Variants in MYCBPAP observed in about 807,000 individuals in gnomAD.
The protein encoded by MYCBPAP is MYCBP associated protein.
In MYCBPAP, 60 loss-of-function variants were observed where a neutral mutation model predicts 106.1. The observed-to-expected ratio is 0.57, with a 90% confidence interval of 0.46 to 0.70. MYCBPAP has a LOEUF of 0.70. MYCBPAP is among the 30% of genes least tolerant of loss of function. The pLI is 0.00. For synonymous variants in MYCBPAP, 407 were observed against 440.6 expected, an observed-to-expected ratio of 0.92 and a Z score of 0.95; for missense variants, 1,064 against 1,169.3, an observed-to-expected ratio of 0.91 and a Z score of 1.31.
chr17:50,508,300 A>C, upstream of MYCBPAP: 1 of 427,678 alleles, frequency 2.3e-6, no homozygotes. Context: ...ATGCACCCCT[A>C]CCAGCCAGCC....
chr17:50,523,024 G>A lies in MYCBPAP; in HGVS notation c.1343G>A (p.Gly448Asp). The A allele has an allele frequency of 1.9e-6, 3 of 1,614,018 alleles. No homozygotes were observed. Among genetic ancestry groups the A allele is most frequent in the Non-Finnish European group, 2.5e-6 (3 of 1,180,014 alleles). The change falls in exon 11 of 19, where the codon GGC becomes GAC. Residue 448 changes from glycine (G) to aspartate (D), a missense_variant. By Grantham distance (94) the Gly-to-Asp change is moderately conservative. Coordinates refer to ENST00000323776, the MANE Select transcript of MYCBPAP (RefSeq NM_032133.6). Reference sequence around the variant, plus strand: ...TCAGAACTGACTGTGGTCAATAATGGCACCGTGGCCATTTGGTATGACTGG... The same window carrying A: ...TCAGAACTGACTGTGGTCAATAATGACACCGTGGCCATTTGGTATGACTGG... The part of the protein sequence containing the change: ...TSSELTVVNN[G>D]TVAIWYDWRR...
upstream of MYCBPAP, chr17:50,508,357 C>T: frequency 3.9e-6 from 2 of 508,952 alleles, no homozygotes; most frequent in Non-Finnish European, 6.7e-6. Context: ...GGTCCTCGCC[C>T]GGGTCCCCCG....
At chr17:50,527,812 A>G (rs2034510163) in intron 15 of MYCBPAP, among the ~76,000 whole-genome samples, 1 of 152,112 alleles carries the variant, frequency 6.6e-6, no homozygotes, top group African/African-American at 2.4e-5. Context: ...GACAAGCCCC[A>G]GGAGCCTTAT....
chr17:50,516,549 T>C, intron 1 of MYCBPAP, 21 bp from the exon 2 acceptor site: 1 of 1,611,666 alleles, frequency 6.2e-7, no homozygotes, highest in Non-Finnish European at 8.5e-7. Flanking sequence ...AAGGACTTAA[T>C]AACTTTCTGC....
At chr17:50,518,044 T>C (rs1379245672) in intron 4 of MYCBPAP, among the ~76,000 whole-genome samples, 1 of 152,262 alleles carries the variant, frequency 6.6e-6, no homozygotes, top group Non-Finnish European at 1.5e-5. Flanking sequence ...TTCCCTTCTC[T>C]GGAGACTGGC....
At chr17:50,521,271 G>A in intron 8 of MYCBPAP, 45 bp from the exon 9 acceptor site, 1 of 1,595,006 alleles carries the variant, frequency 6.3e-7, no homozygotes, top group Non-Finnish European at 8.5e-7. Flanking sequence ...TTGGGGCGAT[G>A]CCTGTCTTCA....
Position 50,516,717 on chromosome 17 carries a change from T to A in MYCBPAP, c.204+20T>A, listed in dbSNP as rs774598572. On this transcript the variant is annotated intron_variant, in intron 2 of 18. Coordinates refer to ENST00000323776, the MANE Select transcript of MYCBPAP (RefSeq NM_032133.6). ...AAGGAGGTGAGGATGAAGCCCAAGC[T>A]TCCCTTACCATAGAAACGTTTCCCT... 1.4e-5 allele frequency: 22 copies of A among 1,613,012 alleles called. No individual in the cohort carries two copies. Among genetic ancestry groups the A allele is most frequent in the Non-Finnish European group, 1.9e-5 (22 of 1,179,578 alleles).
chr17:50,513,462 G>A (rs1209552040), intron 1 of MYCBPAP, among the ~76,000 whole-genome samples: 1 of 152,152 alleles, frequency 6.6e-6, no homozygotes, highest in East Asian at 1.9e-4. Context: ...CTGACTGTAT[G>A]CAGTAACAGA....
At position 50,523,025 on chromosome 17, in the gene MYCBPAP, C is replaced by A; in HGVS notation, c.1344C>A (p.Gly448=). ...CAGAACTGACTGTGGTCAATAATGG[C>A]ACCGTGGCCATTTGGTATGACTGGC... ...TSSELTVVNN[G]TVAIWYDWRR... is the part of the protein sequence containing the mutation. The change falls in exon 11 of 19, where the codon GGC becomes GGA. Residue 448 remains glycine (G), a synonymous_variant. Coordinates refer to ENST00000323776, the MANE Select transcript of MYCBPAP (RefSeq NM_032133.6). 3 of 1,614,106 alleles carry A rather than the reference C, an allele frequency of 1.9e-6. No individual in the cohort carries two copies. Among genetic ancestry groups the A allele is most frequent in the Non-Finnish European group, 2.5e-6 (3 of 1,180,020 alleles).
At chr17:50,527,495 G>A in intron 15 of MYCBPAP, 87 bp downstream of exon 15, 1 of 1,543,102 alleles carries the variant, frequency 6.5e-7, no homozygotes, top group South Asian at 1.2e-5. Flanking sequence ...GGGACTCCAG[G>A]GGTCTGAGCT....
In MYCBPAP at chr17:50,521,409, T is replaced by C. The variant is rs1374948605; in HGVS notation, c.1126T>C (p.Ser376Pro). Residue 376 changes from serine to proline, a missense_variant, in exon 9 of 19, where the codon TCC becomes CCC. Coordinates refer to ENST00000323776, the MANE Select transcript of MYCBPAP (RefSeq NM_032133.6). ...AGTGTTTGAAAGAAGTCAGGGAAGC[T>C]CCTCTGAAGACACAGCATACTTGTG... ...YTVFERSQGS[S>P]SEDTAYLGTL... 15 of 1,598,902 alleles carry C rather than the reference T, an allele frequency of 9.4e-6. No homozygotes were observed. The highest frequency in any genetic ancestry group is 4.0e-5 in the African/African-American group (3 of 74,568).
At chr17:50,529,619 A>G in intron 18 of MYCBPAP, 1 of 406,316 alleles carries the variant, frequency 2.5e-6, no homozygotes, top group Non-Finnish European at 5.0e-6. Context: ...GATTTTTCGG[A>G]GTGAAATGAG....
At chr17:50,529,235 T>G in intron 18 of MYCBPAP, 47 bp downstream of exon 18, 1 of 1,556,014 alleles carries the variant, frequency 6.4e-7, no homozygotes, top group Non-Finnish European at 8.7e-7. Context: ...CCACCTGCCT[T>G]ATTCATTCCG....
chr17:50,514,190 A>C (rs927133995), intron 1 of MYCBPAP, among the ~76,000 whole-genome samples: 4 of 152,200 alleles, frequency 2.6e-5, no homozygotes, highest in Admixed American at 6.5e-5. Flanking sequence ...CACCTGGCCA[A>C]CAGGCTGAAT....
upstream of MYCBPAP, chr17:50,508,250 G>C: frequency 3.4e-6 from 1 of 293,342 alleles, no homozygotes; most frequent in Admixed American, 5.6e-5. Flanking sequence ...CGCCCCACCC[G>C]CCCCCCGTGG....
intron 16 of MYCBPAP, 101 bp from the exon 17 acceptor site, chr17:50,528,594 G>T: frequency 6.8e-7 from 1 of 1,474,006 alleles, no homozygotes; most frequent in Admixed American, 2.1e-5. Context: ...CAAGGCTATT[G>T]CCCTTTGCTT....
In MYCBPAP at chr17:50,528,255, G is replaced by A. The variant is rs375702117; in HGVS notation, c.2392G>A (p.Val798Met). 3 of 1,613,558 alleles carry A rather than the reference G, an allele frequency of 1.9e-6. No homozygotes were observed. Among genetic ancestry groups the A allele is most frequent in the Non-Finnish European group, 2.5e-6 (3 of 1,179,816 alleles). ...TGAGAAGGAGACCATCTATTTGAAT[G>A]TGCCTGAAGAGCAAGGTCAGATCTT... ...LPEKETIYLN[V>M]PEEQDQKSPP... Residue 798 changes from valine (V) to methionine (M), a missense_variant, in exon 16 of 19, where the codon GTG (valine) becomes ATG (methionine). Val to Met is a conservative substitution (Grantham distance 21). Transcript: ENST00000323776.
At chr17:50,508,156 C>G, upstream of MYCBPAP, 1 of 194,198 alleles carries the variant, frequency 5.1e-6, no homozygotes, top group Non-Finnish European at 1.0e-5. Context: ...CCCCCAGAAC[C>G]GCTGTGAGGG....
chr17:50,531,351 G>A lies in MYCBPAP; in HGVS notation c.2749G>A (p.Val917Met), dbSNP rs1315416189. ...GGTCCGTGGGCTGCTGGACACCCTG[G>A]TGACTGACCTGATGGTCCTGGCTGA... ...SEVRGLLDTL[V>M]TDLMVLADEL... Residue 917 changes from valine to methionine, a missense_variant, in exon 19 of 19, where the codon GTG becomes ATG. Val to Met is a conservative substitution (Grantham distance 21). Transcript: ENST00000323776. 1.2e-6 allele frequency: 2 copies of A among 1,613,260 alleles called. No homozygotes were observed. Among genetic ancestry groups the A allele is most frequent in the South Asian group, 2.2e-5 (2 of 90,768 alleles).
Sources: gnomAD v4.1 joint callset for allele counts (sites outside exome capture counted in the v4.1 genomes callset) on GRCh38, gnomAD v4.1.1 for gene constraint, MANE v1.5 for transcripts, NCBI Gene and HGNC (gene_info 2026-07-23, HGNC 2026-07-21) for gene names.